FERMT2: variants seen among roughly 807,000 people sequenced by gnomAD.
The protein encoded by FERMT2 is FERM domain containing kindlin 2, also known as fermitin family homolog 2.
A neutral mutation model predicts 82.7 loss-of-function variants in FERMT2; 15 were observed. The ratio of observed to expected loss-of-function variants is 0.18; its 90% confidence interval spans 0.12 to 0.28. The LOEUF (loss-of-function observed/expected upper bound fraction) is 0.28, where lower values mean the gene tolerates loss of function less well. Among genes scored for constraint, FERMT2 ranks in the 10% least tolerant of loss-of-function variants. The pLI, the probability that FERMT2 is intolerant of heterozygous loss-of-function variation, is 1.00. For synonymous variants in FERMT2, 274 were observed against 271.5 expected (o/e 1.01, Z -0.09); for missense variants, 645 against 809.4 (o/e 0.80, Z 2.46).
intron 2 of FERMT2, among the ~76,000 whole-genome samples, chr14:52,941,883 A>G (rs550519227): frequency 1.2e-4 from 18 of 152,344 alleles, no homozygotes; most frequent in African/African-American, 4.1e-4. Flanking sequence ...GAATACCATC[A>G]TCCACTTATT....
chr14:52,889,885 T>C (rs1886833610), intron 4 of FERMT2, among the ~76,000 whole-genome samples: 1 of 152,068 alleles, frequency 6.6e-6, no homozygotes, highest in South Asian at 2.1e-4. Context: ...TCGCAACACT[T>C]TGGGAGGCCA....
intron 2 of FERMT2, among the ~76,000 whole-genome samples, chr14:52,925,002 TTTCCCAAC>T (rs1204354954): frequency 3.3e-5 from 5 of 152,196 alleles, no homozygotes; most frequent in Non-Finnish European, 5.9e-5. Flanking sequence ...AAAGCAATGT[TTTCCCAAC>T]TTCCAGAAAA....
intron 3 of FERMT2, among the ~76,000 whole-genome samples, chr14:52,909,215 T>G (rs1314656483): frequency 6.6e-6 from 1 of 152,152 alleles, no homozygotes; most frequent in African/African-American, 2.4e-5. Flanking sequence ...TTGGAGCATT[T>G]CCTTTGAATG....
chr14:52,882,597 G>A (rs1886357987), intron 4 of FERMT2, among the ~76,000 whole-genome samples: 8 of 152,146 alleles, frequency 5.3e-5, no homozygotes, highest in Admixed American at 5.2e-4. Context: ...AAAAGAAAAT[G>A]TGCAATGGGC....
chr14:52,878,701 G>A lies in FERMT2; in HGVS notation c.856-12C>T. 1.4e-6 allele frequency: 2 copies of A among 1,389,154 alleles called. No individual in the cohort carries two copies. The highest frequency in any genetic ancestry group is 2.4e-5 in the East Asian group (1 of 41,468). 86.1% of individuals were successfully genotyped at this position (1,389,154 alleles called of 1,614,324 possible). On this transcript the variant is annotated splice_polypyrimidine_tract_variant and intron_variant, in intron 6 of 14. Coordinates refer to ENST00000341590, the MANE Select transcript of FERMT2 (RefSeq NM_006832.3). Reference sequence around the variant, plus strand: ...CTGATTGCATCATACTGCAACAAGAGAAATAGTTCTTTTGTAATATATAAC... The same window carrying A: ...CTGATTGCATCATACTGCAACAAGAAAAATAGTTCTTTTGTAATATATAAC...
At chr14:52,928,399 C>G (rs1478479222) in intron 2 of FERMT2, 4 of 154,194 alleles carry the variant, frequency 2.6e-5, no homozygotes, top group Non-Finnish European at 5.8e-5. Context: ...TTACCATAAT[C>G]AAGAGTTGAC....
At chr14:52,869,856 A>C (rs534849689) in intron 10 of FERMT2, among the ~76,000 whole-genome samples, 2 of 152,300 alleles carry the variant, frequency 1.3e-5, no homozygotes, top group South Asian at 2.1e-4. Context: ...CCAGTGAGAC[A>C]GGATGCAGAG....
chr14:52,907,622 A>G (rs1440717735), intron 3 of FERMT2, among the ~76,000 whole-genome samples: 3 of 152,202 alleles, frequency 2.0e-5, no homozygotes, highest in East Asian at 3.8e-4. Context: ...TTATTATACT[A>G]TGTGTGAAGT....
chr14:52,864,384 T>TA lies in FERMT2; in HGVS notation c.1602+16dup, dbSNP rs1201017743. ...AAACAAACCAGCACAGTAGATGAAG[T>TA]AAAATGAAGTAAGTACCTGCTTGTT... On this transcript the variant is annotated intron_variant, in intron 12 of 14. Coordinates refer to ENST00000341590, the MANE Select transcript of FERMT2 (RefSeq NM_006832.3). 6.3e-7 allele frequency: 1 copy of TA among 1,575,308 alleles called. No individual in the cohort carries two copies. The highest frequency in any genetic ancestry group is 2.2e-5 in the East Asian group (1 of 44,624).
rs779470776 is a variant in FERMT2 at position 52,890,428 on chromosome 14, GA to G, written c.526+2864del. Among the ~76,000 whole-genome samples, 114 of 13,250 alleles carry G rather than the reference GA, an allele frequency of 8.6e-3. 5 individuals carry two copies. The highest frequency in any genetic ancestry group is 4.5e-3 in the Non-Finnish European group (4 of 884). 8.7% of individuals were successfully genotyped at this position (13,250 alleles called of 152,430 possible). A position where few individuals can be genotyped will look rare whatever the true frequency, so the allele number is the denominator to read the frequency against. On this transcript the variant is annotated intron_variant, in intron 4 of 14. Transcript: ENST00000341590. ...CCACTGCACTCCGGCCTGGGCGACA[GA>G]GTGACACTCCGTCTGAAAAAAAAAA...
chr14:52,896,027 T>C (rs938002987), intron 3 of FERMT2, among the ~76,000 whole-genome samples: 9 of 152,194 alleles, frequency 5.9e-5, no homozygotes, highest in African/African-American at 2.2e-4. Context: ...GTGATGGGAT[T>C]ATAGGCGTGA....
At chr14:52,912,767 C>T (rs1436075826) in intron 3 of FERMT2, among the ~76,000 whole-genome samples, 2 of 152,146 alleles carry the variant, frequency 1.3e-5, no homozygotes, top group African/African-American at 4.8e-5. Flanking sequence ...GCCTTGGCCT[C>T]CCAAAGCGCT....
intron 2 of FERMT2, among the ~76,000 whole-genome samples, chr14:52,938,898 C>CT (rs1266368120): frequency 1.1e-4 from 16 of 152,214 alleles, no homozygotes; most frequent in African/African-American, 3.9e-4. Context: ...GAAACACTCC[C>CT]TATCTTAGCA....
intron 3 of FERMT2, among the ~76,000 whole-genome samples, chr14:52,897,994 A>C (rs1284797000): frequency 2.0e-5 from 3 of 147,388 alleles, no homozygotes; most frequent in African/African-American, 7.7e-5. Flanking sequence ...AAAAAAAAAA[A>C]CAACCAAAAA....
At chr14:52,938,930 T>C (rs1889968763) in intron 2 of FERMT2, among the ~76,000 whole-genome samples, 1 of 152,142 alleles carries the variant, frequency 6.6e-6, no homozygotes, top group Non-Finnish European at 1.5e-5. Context: ...TAATTTTGTA[T>C]ATGTGGAAGC....
At chr14:52,921,371 T>TC (rs1202886515) in intron 2 of FERMT2, among the ~76,000 whole-genome samples, 3 of 152,240 alleles carry the variant, frequency 2.0e-5, no homozygotes, top group African/African-American at 7.2e-5. Context: ...TTTGGCAAAG[T>TC]CCTGCCAATC....
chr14:52,902,371 C>T (rs529989828), intron 3 of FERMT2, among the ~76,000 whole-genome samples: 63 of 147,538 alleles, frequency 4.3e-4, no homozygotes, highest in African/African-American at 1.4e-3. Context: ...TCAGCTTGGG[C>T]GACAACAGCA....
intron 10 of FERMT2, among the ~76,000 whole-genome samples, chr14:52,866,952 A>G (rs1885320920): frequency 6.6e-6 from 1 of 151,942 alleles, no homozygotes; most frequent in Non-Finnish European, 1.5e-5. Context: ...CTCAGACACT[A>G]CATTTCCTTC....
At chr14:52,865,290 C>T (rs563895134) in intron 10 of FERMT2, among the ~76,000 whole-genome samples, 239 of 152,166 alleles carry the variant, frequency 1.6e-3, no homozygotes, top group Non-Finnish European at 2.5e-3. Context: ...CGTTGCACTC[C>T]AGCCTGGGCA....
Sources: gnomAD v4.1 joint callset for allele counts (sites outside exome capture counted in the v4.1 genomes callset) on GRCh38, gnomAD v4.1.1 for gene constraint, MANE v1.5 for transcripts, NCBI Gene and HGNC (gene_info 2026-07-23, HGNC 2026-07-21) for gene names.